Variants in MAST4 observed in about 807,000 individuals in gnomAD.
The protein encoded by MAST4 is microtubule-associated serine/threonine-protein kinase 4.
In MAST4, 89 loss-of-function variants were observed where a neutral mutation model predicts 162.7. The ratio of observed to expected loss-of-function variants is 0.55; its 90% CI spans 0.46 to 0.65. MAST4 has a LOEUF of 0.65. Ranked by LOEUF, MAST4 falls within the 30% of genes least tolerant of loss-of-function variation. The probability of loss-of-function intolerance (pLI) is 0.00; values close to 1 mark genes in which losing one functional copy is unlikely to be tolerated. For synonymous variants in MAST4, 1,479 were observed against 1,361.1 expected (o/e 1.09, Z -1.91); for missense variants, 3,153 against 3,374.0 (o/e 0.93, Z 1.62).
chr5:66,845,126 T>TATATATACACACACACAC (rs1358855625), intron 3 of MAST4, among the ~76,000 whole-genome samples: 4 of 67,172 alleles, frequency 6.0e-5, no homozygotes, highest in African/African-American at 2.2e-4. Context: ...TATATATATA[T>TATATATACACACACACAC]ACACACACAC....
At chr5:66,754,335 A>C (rs1372418150) in intron 1 of MAST4, among the ~76,000 whole-genome samples, 2 of 152,220 alleles carry the variant, frequency 1.3e-5, no homozygotes, top group African/African-American at 2.4e-5. Flanking sequence ...CTGTGTTCAA[A>C]AATTAGCATA....
intron 3 of MAST4, among the ~76,000 whole-genome samples, chr5:66,854,739 T>C (rs988736405): frequency 6.6e-6 from 1 of 151,932 alleles, no homozygotes; most frequent in Non-Finnish European, 1.5e-5. Context: ...CTAAATCCCA[T>C]ACTCAAGGAC....
At chr5:67,137,283 G>A (rs1243794340) in intron 19 of MAST4, among the ~76,000 whole-genome samples, 2 of 152,172 alleles carry the variant, frequency 1.3e-5, no homozygotes, top group African/African-American at 2.4e-5. Flanking sequence ...TTTTCTGACT[G>A]TTCTGCCAGT....
intron 5 of MAST4, among the ~76,000 whole-genome samples, chr5:67,078,948 ATATG>A (rs1158221384): frequency 7.4e-4 from 76 of 102,034 alleles, no homozygotes; most frequent in African/African-American, 3.8e-3. Flanking sequence ...ATATATATAT[ATATG>A]GCAATCTGAT....
chr5:66,742,906 G>A (rs1043402973), intron 1 of MAST4, among the ~76,000 whole-genome samples: 2 of 152,172 alleles, frequency 1.3e-5, no homozygotes, highest in Non-Finnish European at 2.9e-5. Context: ...ATAACCCCGG[G>A]TGAATAGTAG....
intron 7 of MAST4, among the ~76,000 whole-genome samples, chr5:67,098,466 C>G (rs1465707423): frequency 1.3e-5 from 2 of 151,962 alleles, no homozygotes; most frequent in African/African-American, 4.8e-5. Flanking sequence ...ATGTTTCTTA[C>G]CAGATAAATT....
chr5:67,116,210 T>C (rs1053909915), intron 12 of MAST4, among the ~76,000 whole-genome samples: 4 of 125,454 alleles, frequency 3.2e-5, no homozygotes, highest in Non-Finnish European at 5.0e-5. Flanking sequence ...GTTTGTTTGT[T>C]TTGTTTTGTT....
At chr5:66,713,481 A>C (rs138784318) in intron 1 of MAST4, among the ~76,000 whole-genome samples, 1 of 152,348 alleles carries the variant, frequency 6.6e-6, no homozygotes, top group East Asian at 1.9e-4. Flanking sequence ...GCTTATGTTG[A>C]GTATCAAGCA....
chr5:66,598,972 GATTAA>G (rs1412813241), intron 1 of MAST4, among the ~76,000 whole-genome samples: 1 of 152,214 alleles, frequency 6.6e-6, no homozygotes, highest in African/African-American at 2.4e-5. Context: ...AAAGTGGAAT[GATTAA>G]ATAACATGGG....
chr5:67,078,915 T>TAAATATATATATA (rs1561621956), intron 5 of MAST4, among the ~76,000 whole-genome samples: 10 of 28,540 alleles, frequency 3.5e-4, no homozygotes, highest in Admixed American at 1.1e-3. Context: ...TATATAAATA[T>TAAATATATATATA]ATATATATAT....
In MAST4 at chr5:66,715,760, A is replaced by G. The variant is rs149058647; in HGVS notation, c.364-43949A>G. The stretch of plus-strand genomic sequence containing the variant: ...AAAAAAAAAAAAAAAATGGAGTGGA[A>G]TTACTGTTGAAATATTGCTTATTCT... On this transcript the variant is annotated intron_variant, in intron 1 of 28. Coordinates refer to ENST00000403625, the MANE Select transcript of MAST4 (RefSeq NM_001164664.2). Among the ~76,000 whole-genome samples, 1,206 of 150,884 alleles carry G rather than the reference A, an allele frequency of 8.0e-3. 16 individuals are homozygous for G. Among genetic ancestry groups the G allele is most frequent in the African/African-American group, 0.028 (1,143 of 41,058 alleles).
At chr5:67,056,323 T>C (rs1758819434) in intron 5 of MAST4, among the ~76,000 whole-genome samples, 2 of 152,126 alleles carry the variant, frequency 1.3e-5, no homozygotes, top group Non-Finnish European at 2.9e-5. Context: ...GGTCAAACAG[T>C]GCCAGATACC....
intron 4 of MAST4, among the ~76,000 whole-genome samples, chr5:67,037,576 T>G (rs1581285778): frequency 6.6e-6 from 1 of 152,174 alleles, no homozygotes; most frequent in Admixed American, 6.5e-5. Flanking sequence ...TAATAAAACA[T>G]TTAAAAAATA....
At chr5:66,831,947 A>G (rs575930872) in intron 3 of MAST4, among the ~76,000 whole-genome samples, 1 of 152,290 alleles carries the variant, frequency 6.6e-6, no homozygotes, top group South Asian at 2.1e-4. Context: ...TACGTGGATC[A>G]TATTTTTTAA....
At chr5:66,657,461 A>G (rs760243583) in intron 1 of MAST4, among the ~76,000 whole-genome samples, 12 of 152,246 alleles carry the variant, frequency 7.9e-5, no homozygotes, top group Non-Finnish European at 1.6e-4. Flanking sequence ...TGCTTAGAAA[A>G]GAAATTGCAT....
chr5:66,784,660 T>TTG (rs200293031), intron 2 of MAST4, among the ~76,000 whole-genome samples: 2 of 152,094 alleles, frequency 1.3e-5, no homozygotes, highest in African/African-American at 2.4e-5. Flanking sequence ...TATTATTCTT[T>TTG]TGTGTGTGTG....
At chr5:66,739,641 G>A (rs1254639246) in intron 1 of MAST4, among the ~76,000 whole-genome samples, 2 of 152,124 alleles carry the variant, frequency 1.3e-5, no homozygotes, top group South Asian at 2.1e-4. Flanking sequence ...CCTGTGACAC[G>A]TATACCGGAT....
At chr5:66,638,040 GT>G (rs1745236343) in intron 1 of MAST4, among the ~76,000 whole-genome samples, 1 of 152,130 alleles carries the variant, frequency 6.6e-6, no homozygotes, top group Non-Finnish European at 1.5e-5. Context: ...TTATTCCTCA[GT>G]TTTCTTAATT....
At chr5:67,145,451 C>A (rs1488544165) in intron 23 of MAST4, 72 bp downstream of exon 23, 3 of 1,335,246 alleles carry the variant, frequency 2.2e-6, no homozygotes, top group African/African-American at 2.9e-5. Context: ...AGTCCCAGGG[C>A]GGGCCTCGCC....
Sources: allele counts gnomAD v4.1 joint callset (sites outside exome capture counted in the v4.1 genomes callset), GRCh38; gene constraint gnomAD v4.1.1; transcripts MANE v1.5; gene names NCBI Gene and HGNC (gene_info 2026-07-23, HGNC 2026-07-21).